FAM107B: variants seen among roughly 807,000 people sequenced by gnomAD.
FAM107B encodes the protein family with sequence similarity 107 member B.
Under a neutral mutation model 31.5 loss-of-function variants are expected in FAM107B, and 21 were observed. The observed-to-expected ratio is 0.67, with a 90% CI of 0.47 to 0.96. The LOEUF (loss-of-function observed/expected upper bound fraction) is 0.96, where lower values mean the gene tolerates loss of function less well. Among genes scored for constraint, FAM107B ranks in the 40% least tolerant of loss-of-function variants. FAM107B has a pLI of 0.00. For missense variants in FAM107B, 452 were observed against 377.1 expected, an observed-to-expected ratio of 1.20 and a Z score of -1.64; for synonymous variants, 157 against 141.5, an observed-to-expected ratio of 1.11 and a Z score of -0.78.
chr10:14,547,719 G>A (rs1848828989), intron 2 of FAM107B, among the ~76,000 whole-genome samples: 1 of 152,098 alleles, frequency 6.6e-6, no homozygotes, highest in Admixed American at 6.5e-5. Flanking sequence ...GGGTTTGTCT[G>A]GAAAACTTCA....
intron 2 of FAM107B, among the ~76,000 whole-genome samples, chr10:14,635,376 G>C (rs1021791827): frequency 1.3e-5 from 2 of 152,068 alleles, no homozygotes; most frequent in Non-Finnish European, 2.9e-5. Flanking sequence ...CCCACCTAAG[G>C]CTAAAAGAAC....
At chr10:14,531,052 C>A (rs757362050) in intron 2 of FAM107B, among the ~76,000 whole-genome samples, 14 of 152,318 alleles carry the variant, frequency 9.2e-5, no homozygotes, top group Non-Finnish European at 1.9e-4. Context: ...GGGATGGAAT[C>A]AGTCACCCTC....
intron 1 of FAM107B, among the ~76,000 whole-genome samples, chr10:14,748,329 A>G (rs780629292): frequency 1.1e-4 from 17 of 152,178 alleles, no homozygotes; most frequent in Non-Finnish European, 2.2e-4. Context: ...GGTAGTGGAC[A>G]TCTGTCATTC....
In FAM107B at chr10:14,519,736, G is replaced by A. The variant is rs961689838; in HGVS notation, c.*1454C>T. On this transcript the variant is annotated 3_prime_UTR_variant, in exon 5 of 5. Coordinates refer to ENST00000181796, the MANE Select transcript of FAM107B (RefSeq NM_031453.4). ...TACTGTGCTAATTAAGGATTCAAAA[G>A]CTCTAGATCCAGCTTTCTATGAGTC... 1 of 152,112 alleles carries A rather than the reference G, an allele frequency of 6.6e-6. No individual in the cohort carries two copies. Among genetic ancestry groups the A allele is most frequent in the African/African-American group, 2.4e-5 (1 of 41,406 alleles). 9.4% of individuals were successfully genotyped at this position (152,112 alleles called of 1,614,324 possible).
intron 1 of FAM107B, among the ~76,000 whole-genome samples, chr10:14,675,167 C>T (rs1854651973): frequency 6.6e-6 from 1 of 152,060 alleles, no homozygotes; most frequent in African/African-American, 2.4e-5. Context: ...AGTGTTAAAT[C>T]ATGGGGAAAC....
chr10:14,585,371 CT>C (rs1191775924), intron 2 of FAM107B, among the ~76,000 whole-genome samples: 1 of 152,168 alleles, frequency 6.6e-6, no homozygotes, highest in Non-Finnish European at 1.5e-5. Flanking sequence ...TTCCCAGCCC[CT>C]GTCAACCAGG....
chr10:14,572,414 C>G (rs372874743), intron 2 of FAM107B: 2 of 985,200 alleles, frequency 2.0e-6, no homozygotes, highest in Admixed American at 6.2e-5. Flanking sequence ...TGGAGGAGGA[C>G]AAGTTCTCGC....
chr10:14,583,379 C>T (rs1316193614), intron 2 of FAM107B, among the ~76,000 whole-genome samples: 4 of 152,076 alleles, frequency 2.6e-5, no homozygotes, highest in South Asian at 2.1e-4. Flanking sequence ...AAAGTAGCTG[C>T]TGCTGCACCT....
At chr10:14,707,154 A>C (rs1402778057) in intron 1 of FAM107B, among the ~76,000 whole-genome samples, 1 of 152,058 alleles carries the variant, frequency 6.6e-6, no homozygotes, top group Non-Finnish European at 1.5e-5. Flanking sequence ...AACAACAAAA[A>C]AACAAAACAA....
chr10:14,609,530 T>C (rs1279429999), intron 2 of FAM107B, among the ~76,000 whole-genome samples: 1 of 152,210 alleles, frequency 6.6e-6, no homozygotes. Context: ...CATCTTCCAG[T>C]CAGCAGTGTC....
At chr10:14,575,522 A>G (rs1473997644) in intron 2 of FAM107B, among the ~76,000 whole-genome samples, 1 of 152,102 alleles carries the variant, frequency 6.6e-6, no homozygotes, top group Non-Finnish European at 1.5e-5. Context: ...TTCAATGGAG[A>G]GCAATACAAA....
rs536335623 is a variant in FAM107B at position 14,629,860 on chromosome 10, G to T, written c.469+37774C>A. On this transcript the variant is annotated intron_variant, in intron 2 of 4. Coordinates refer to ENST00000181796, the MANE Select transcript of FAM107B (RefSeq NM_031453.4). ...ATTGTTATTATATATGGCATAATAT[G>T]ATATAAATTTAGAAAAAAAACATGA... 1.4e-3 allele frequency among the ~76,000 whole-genome samples: 212 copies of T among 151,736 alleles called. 1 individual carries two copies. Among genetic ancestry groups the T allele is most frequent in the Middle Eastern group, 3.4e-3 (1 of 292 alleles).
At chr10:14,693,167 CT>C (rs1174077709) in intron 1 of FAM107B, among the ~76,000 whole-genome samples, 3 of 152,174 alleles carry the variant, frequency 2.0e-5, no homozygotes, top group African/African-American at 7.2e-5. Context: ...TTAAATATAA[CT>C]TTTATTGTAT....
intron 2 of FAM107B, among the ~76,000 whole-genome samples, chr10:14,652,039 C>T (rs955621787): frequency 7.9e-5 from 12 of 152,026 alleles, no homozygotes; most frequent in Non-Finnish European, 1.2e-4. Context: ...GTTGTACAGT[C>T]GGAGAGAAGG....
intron 2 of FAM107B, among the ~76,000 whole-genome samples, chr10:14,562,032 C>T (rs1332275083): frequency 7.2e-5 from 11 of 152,178 alleles, no homozygotes; most frequent in African/African-American, 1.4e-4. Flanking sequence ...CCGATCCACC[C>T]GCCTTGGCCT....
At chr10:14,719,198 T>C (rs1018458944) in intron 1 of FAM107B, among the ~76,000 whole-genome samples, 2 of 152,176 alleles carry the variant, frequency 1.3e-5, no homozygotes, top group Admixed American at 1.3e-4. Flanking sequence ...GGACTAAGCC[T>C]GCCCAAATAA....
At chr10:14,564,129 A>G (rs1850465866) in intron 2 of FAM107B, among the ~76,000 whole-genome samples, 1 of 152,228 alleles carries the variant, frequency 6.6e-6, no homozygotes, top group South Asian at 2.1e-4. Context: ...AAAGTTCTTT[A>G]AGATTCTCAA....
At chr10:14,605,390 A>G (rs1588654384) in intron 2 of FAM107B, among the ~76,000 whole-genome samples, 1 of 152,250 alleles carries the variant, frequency 6.6e-6, no homozygotes, top group Admixed American at 6.5e-5. Flanking sequence ...CAGCGTAGCA[A>G]AAAGGACAAC....
intron 2 of FAM107B, among the ~76,000 whole-genome samples, chr10:14,617,506 C>T (rs984658779): frequency 1.3e-5 from 2 of 152,134 alleles, no homozygotes; most frequent in Non-Finnish European, 2.9e-5. Flanking sequence ...TAAAATTGTA[C>T]ATTCTGGCAT....
Sources: allele counts gnomAD v4.1 joint callset (sites outside exome capture counted in the v4.1 genomes callset), GRCh38; gene constraint gnomAD v4.1.1; transcripts MANE v1.5; gene names NCBI Gene and HGNC (gene_info 2026-07-23, HGNC 2026-07-21).